KCNH1: variants seen among roughly 807,000 people sequenced by gnomAD.
KCNH1 encodes potassium voltage-gated channel subfamily H member 1.
KCNH1 carries 27 observed loss-of-function variants against 69.2 expected under a neutral mutation model. That is an observed-to-expected ratio of 0.39 (90% CI 0.29 to 0.54). The LOEUF (loss-of-function observed/expected upper bound fraction) is 0.54, where lower values mean the gene tolerates loss of function less well. KCNH1 is among the 20% of genes least tolerant of loss of function. The pLI is 0.68. For missense variants in KCNH1, 798 were observed against 1,261.6 expected, an observed-to-expected ratio of 0.63 and a Z score of 5.57; for synonymous variants, 456 against 487.7, an observed-to-expected ratio of 0.93 and a Z score of 0.86.
intron 6 of KCNH1, among the ~76,000 whole-genome samples, chr1:210,920,818 TATCATCAGAC>T (rs1355599900): frequency 6.6e-6 from 1 of 152,206 alleles, no homozygotes; most frequent in Non-Finnish European, 1.5e-5. Context: ...CCAGGGATTA[TATCATCAGAC>T]ACCACCTACT....
At chr1:210,684,791 A>T (rs770222524) in intron 10 of KCNH1, among the ~76,000 whole-genome samples, 14 of 152,176 alleles carry the variant, frequency 9.2e-5, no homozygotes, top group Non-Finnish European at 1.9e-4. Context: ...TTGAACATAA[A>T]CTTGTCCTAA....
rs1422774915 is a variant in KCNH1 at position 210,735,760 on chromosome 1, TATACACACATGCACATGC to T, written c.2112+39570_2112+39587del. Among the ~76,000 whole-genome samples, 16 of 151,798 alleles carry T rather than the reference TATACACACATGCACATGC, an allele frequency of 1.1e-4. No homozygotes were observed. In the South Asian group the frequency reaches 3.3e-3, roughly 32 times the overall value. ...GGTCCAGGATACTATACCCTGTCCC[TATACACACATGCACATGC>T]ATGCATGCATGCATACACAGACACA... On this transcript the variant is annotated intron_variant, in intron 10 of 10. Coordinates refer to ENST00000271751, the MANE Select transcript of KCNH1 (RefSeq NM_172362.3).
chr1:210,890,119 C>T (rs1259564426), intron 7 of KCNH1, among the ~76,000 whole-genome samples: 1 of 152,174 alleles, frequency 6.6e-6, no homozygotes, highest in Non-Finnish European at 1.5e-5. Flanking sequence ...AAGCTGGAGG[C>T]ATCAGGCTAC....
chr1:210,803,650 G>A (rs945222464), intron 8 of KCNH1, among the ~76,000 whole-genome samples: 14 of 152,174 alleles, frequency 9.2e-5, no homozygotes, highest in Non-Finnish European at 1.9e-4. Flanking sequence ...CTGATCTCCC[G>A]TCTCTAGTCA....
chr1:211,123,847 G>C (rs747793721), intron 1 of KCNH1, among the ~76,000 whole-genome samples: 7 of 152,050 alleles, frequency 4.6e-5, no homozygotes, highest in Non-Finnish European at 7.4e-5. Context: ...AGGCCAGAGG[G>C]AGATACAAAA....
At chr1:210,985,247 T>A (rs1688806811) in intron 6 of KCNH1, among the ~76,000 whole-genome samples, 1 of 152,216 alleles carries the variant, frequency 6.6e-6, no homozygotes, top group East Asian at 1.9e-4. Flanking sequence ...CTGGATTCAC[T>A]GATTTTTTGA....
At chr1:210,938,061 T>C (rs1687805262) in intron 6 of KCNH1, among the ~76,000 whole-genome samples, 1 of 152,222 alleles carries the variant, frequency 6.6e-6, no homozygotes, top group African/African-American at 2.4e-5. Flanking sequence ...GGTCATGTCA[T>C]TGGAATGTCC....
chr1:210,780,159 C>T (rs764705213), intron 9 of KCNH1, among the ~76,000 whole-genome samples: 13 of 152,270 alleles, frequency 8.5e-5, no homozygotes, highest in African/African-American at 2.6e-4. Context: ...TGAAGAGTGG[C>T]AGGGAAGCAA....
intron 7 of KCNH1, chr1:210,860,768 GA>G (rs1403739441): frequency 3.7e-6 from 3 of 802,846 alleles, no homozygotes; most frequent in Non-Finnish European, 2.3e-6. Context: ...TCATCAATCA[GA>G]CATCTTCTTG....
intron 10 of KCNH1, among the ~76,000 whole-genome samples, chr1:210,772,420 T>C (rs1683769916): frequency 6.6e-6 from 1 of 152,164 alleles, no homozygotes; most frequent in African/African-American, 2.4e-5. Context: ...GCATGTAATG[T>C]TCTTGTCTTC....
In KCNH1 at chr1:210,886,291, G is replaced by A. The variant is rs752689590; in HGVS notation, c.1462+33349C>T. 4.6e-5 allele frequency among the ~76,000 whole-genome samples: 7 copies of A among 152,164 alleles called. 1 individual carries two copies. The South Asian group carries it at 6.2e-4, about 14-fold the overall frequency. On this transcript the variant is annotated intron_variant, in intron 7 of 10. Transcript: ENST00000271751. Reference sequence around the variant, plus strand: ...ACCTCCAGCAAACTCCAGCAGACCCGCAGCAGAGCAGCCTGATTGATAGAA... The same window carrying A: ...ACCTCCAGCAAACTCCAGCAGACCCACAGCAGAGCAGCCTGATTGATAGAA...
chr1:210,800,184 C>G (rs1684401450), intron 8 of KCNH1, among the ~76,000 whole-genome samples: 1 of 152,206 alleles, frequency 6.6e-6, no homozygotes, highest in South Asian at 2.1e-4. Context: ...ACAGGACAGA[C>G]CAAGGCAGAG....
intron 1 of KCNH1, among the ~76,000 whole-genome samples, chr1:211,129,193 T>G (rs975649301): frequency 3.3e-5 from 5 of 152,300 alleles, no homozygotes; most frequent in African/African-American, 1.2e-4. Flanking sequence ...ATGGTCCAAA[T>G]ATCCTAAGTG....
intron 10 of KCNH1, among the ~76,000 whole-genome samples, chr1:210,716,356 C>T (rs951463729): frequency 5.5e-5 from 8 of 144,940 alleles, no homozygotes; most frequent in African/African-American, 1.8e-4. Context: ...CACTTGAACC[C>T]AGAAGGCGGA....
At chr1:210,824,895 T>G (rs374014769) in intron 7 of KCNH1, among the ~76,000 whole-genome samples, 2 of 152,342 alleles carry the variant, frequency 1.3e-5, no homozygotes, top group East Asian at 3.9e-4. Flanking sequence ...TATAGATTTG[T>G]TGACTTTTAC....
intron 8 of KCNH1, among the ~76,000 whole-genome samples, chr1:210,801,914 T>C (rs1684436257): frequency 6.6e-6 from 1 of 152,208 alleles, no homozygotes; most frequent in Non-Finnish European, 1.5e-5. Context: ...CTCTAGTACA[T>C]GTTTTAAATT....
intron 5 of KCNH1, among the ~76,000 whole-genome samples, chr1:211,059,279 C>CAA (rs111505454): frequency 5.5e-5 from 5 of 90,818 alleles, no homozygotes; most frequent in Non-Finnish European, 4.7e-5. Flanking sequence ...GACTCCATCT[C>CAA]AAAAAAAAAA....
chr1:211,019,305 C>T, intron 5 of KCNH1, 49 bp from the exon 6 acceptor site: 2 of 1,216,914 alleles, frequency 1.6e-6, no homozygotes, highest in Non-Finnish European at 2.3e-6. Context: ...GATTTAATTG[C>T]AAGTATCTAA....
chr1:210,978,041 A>ATT (rs374205340), intron 6 of KCNH1, among the ~76,000 whole-genome samples: 17 of 137,690 alleles, frequency 1.2e-4, no homozygotes, highest in Non-Finnish European at 2.1e-4. Context: ...CTCTCCTTTA[A>ATT]TTTTTTTTTT....
Sources: allele counts gnomAD v4.1 joint callset (sites outside exome capture counted in the v4.1 genomes callset), GRCh38; gene constraint gnomAD v4.1.1; transcripts MANE v1.5; gene names NCBI Gene and HGNC (gene_info 2026-07-23, HGNC 2026-07-21).